Variants in ZNF280D observed in about 807,000 individuals in gnomAD.
ZNF280D encodes zinc finger protein 280D.
A neutral mutation model predicts 94.7 loss-of-function variants in ZNF280D; 39 were observed. The observed-to-expected ratio is 0.41, with a 90% CI of 0.32 to 0.54. The LOEUF (loss-of-function observed/expected upper bound fraction) is 0.54. Among genes scored for constraint, ZNF280D ranks in the 20% least tolerant of loss-of-function variants. The pLI, the probability that ZNF280D is intolerant of heterozygous loss-of-function variation, is 0.22. For synonymous variants in ZNF280D, 398 were observed against 377.6 expected (o/e 1.05, Z -0.63); for missense variants, 1,090 against 1,149.3 (o/e 0.95, Z 0.75).
chr15:56,689,823 C>G (rs1467135708), intron 7 of ZNF280D, among the ~76,000 whole-genome samples: 2 of 151,506 alleles, frequency 1.3e-5, no homozygotes, highest in Non-Finnish European at 2.9e-5. Flanking sequence ...AATGAATTAT[C>G]TTTAGATGCT....
chr15:56,633,063 T>A (rs1292891191), intron 21 of ZNF280D, among the ~76,000 whole-genome samples: 2 of 152,158 alleles, frequency 1.3e-5, no homozygotes, highest in African/African-American at 4.8e-5. Flanking sequence ...GAAACAAGAT[T>A]TCTAAGAAGA....
At chr15:56,703,883 A>G (rs2057241487) in intron 4 of ZNF280D, among the ~76,000 whole-genome samples, 1 of 151,952 alleles carries the variant, frequency 6.6e-6, no homozygotes, top group Non-Finnish European at 1.5e-5. Flanking sequence ...TAATTACTTA[A>G]CTCCATTAAA....
intron 9 of ZNF280D, among the ~76,000 whole-genome samples, chr15:56,688,431 C>T (rs1246823800): frequency 6.9e-6 from 1 of 145,662 alleles, no homozygotes; most frequent in Non-Finnish European, 1.5e-5. Flanking sequence ...GTGGAGCTTG[C>T]AGTCCCCAGA....
chr15:56,686,291 C>T (rs2056008094), intron 9 of ZNF280D, among the ~76,000 whole-genome samples: 1 of 152,116 alleles, frequency 6.6e-6, no homozygotes, highest in Non-Finnish European at 1.5e-5. Context: ...GCGTGTGTCA[C>T]CATGCCTGGC....
chr15:56,731,745 A>T (rs1434220510), intron 1 of ZNF280D, among the ~76,000 whole-genome samples: 1 of 152,200 alleles, frequency 6.6e-6, no homozygotes, highest in Non-Finnish European at 1.5e-5. Flanking sequence ...CAGAAAACAG[A>T]ATGTGAGATA....
chr15:56,703,596 G>T (rs1209122621), intron 4 of ZNF280D, among the ~76,000 whole-genome samples: 1 of 152,218 alleles, frequency 6.6e-6, no homozygotes, highest in Non-Finnish European at 1.5e-5. Flanking sequence ...ACTCACACCT[G>T]TAATTTTAGC....
intron 13 of ZNF280D, among the ~76,000 whole-genome samples, chr15:56,672,253 G>A (rs1394304867): frequency 6.6e-6 from 1 of 152,072 alleles, no homozygotes; most frequent in South Asian, 2.1e-4. Context: ...TCCTTGTCTT[G>A]TGCTGGTTTT....
chr15:56,642,808 T>A, intron 20 of ZNF280D, 144 bp downstream of exon 20: 1 of 479,298 alleles, frequency 2.1e-6, no homozygotes, highest in East Asian at 3.7e-5. Context: ...AATGAAAAAT[T>A]TTAAATCTCG....
intron 9 of ZNF280D, among the ~76,000 whole-genome samples, chr15:56,683,974 C>T (rs2055820648): frequency 6.6e-6 from 1 of 152,176 alleles, no homozygotes. Context: ...AAATACACAT[C>T]TTAAAGGTGA....
chr15:56,672,842 T>A (rs2054961128), intron 13 of ZNF280D, among the ~76,000 whole-genome samples: 1 of 151,978 alleles, frequency 6.6e-6, no homozygotes, highest in Non-Finnish European at 1.5e-5. Flanking sequence ...TAGCTGGATC[T>A]TAAGTTTTTT....
At chr15:56,660,365 C>T (rs953813745) in intron 16 of ZNF280D, among the ~76,000 whole-genome samples, 6 of 152,048 alleles carry the variant, frequency 3.9e-5, no homozygotes, top group African/African-American at 1.4e-4. Context: ...ATAGCCTCTG[C>T]ATTTGTCTAC....
chr15:56,691,054 G>A (rs2056395730), intron 7 of ZNF280D, among the ~76,000 whole-genome samples: 1 of 152,054 alleles, frequency 6.6e-6, no homozygotes, highest in Non-Finnish European at 1.5e-5. Context: ...GACCAAATAA[G>A]ATAATGTACT....
chr15:56,645,213 A>T (rs891046417), intron 19 of ZNF280D: 6 of 152,288 alleles, frequency 3.9e-5, no homozygotes, highest in Non-Finnish European at 7.4e-5. Context: ...AGAAGACAGA[A>T]ATTTGCTAAG....
At chr15:56,693,933 C>G (rs1247194592) in intron 6 of ZNF280D, among the ~76,000 whole-genome samples, 2 of 152,106 alleles carry the variant, frequency 1.3e-5, no homozygotes, top group Admixed American at 6.6e-5. Flanking sequence ...TCTGTCTTAT[C>G]AGGCAAATAT....
At chr15:56,673,201 G>A (rs1344204270) in intron 13 of ZNF280D, among the ~76,000 whole-genome samples, 2 of 151,856 alleles carry the variant, frequency 1.3e-5, no homozygotes, top group African/African-American at 4.8e-5. Flanking sequence ...ACTGCTTGAT[G>A]TCTAATACGC....
Position 56,679,033 on chromosome 15 carries a change from T to C in ZNF280D, c.1005-212A>G, listed in dbSNP as rs370341917. On this transcript the variant is annotated intron_variant, in intron 10 of 21. Coordinates refer to ENST00000267807, the MANE Select transcript of ZNF280D (RefSeq NM_017661.4). ...CTTTTTACCTTTGCTTTAAAATAAT[T>C]CATTCATGTAATTAATCTGAAAGAT... Among the ~76,000 whole-genome samples, 77 of 152,348 alleles carry C rather than the reference T, an allele frequency of 5.1e-4. No homozygotes were observed. In the Middle Eastern group the frequency reaches 0.01, roughly 20 times the overall value.
chr15:56,690,045 G>A (rs1355168066), intron 7 of ZNF280D, among the ~76,000 whole-genome samples: 1 of 152,146 alleles, frequency 6.6e-6, no homozygotes, highest in Non-Finnish European at 1.5e-5. Flanking sequence ...CGCAGAAAGT[G>A]GAAATAACTA....
At position 56,678,821 on chromosome 15, in the gene ZNF280D, C is replaced by T; in HGVS notation, c.1005G>A (p.Arg335=). 3.8e-6 allele frequency: 6 copies of T among 1,571,494 alleles called. No homozygotes were observed. The highest frequency in any genetic ancestry group is 5.2e-6 in the Non-Finnish European group (6 of 1,160,218). ...AATGGTGTTTCATGTGGTTCATAAA[C>T]CTATAAATGGTTGTCAACAGGTGCA... is the stretch of plus-strand genomic sequence containing the variant. The part of the protein sequence containing the change: ...SCLKILKNNI[R]FMNHMKHHLE... Residue 335 remains arginine (R), a splice_region_variant and synonymous_variant, in exon 11 of 22, where the codon AGG becomes AGA. Transcript: ENST00000267807.
intron 17 of ZNF280D, 45 bp downstream of exon 17, chr15:56,658,379 T>C: frequency 6.8e-7 from 1 of 1,462,370 alleles, no homozygotes; most frequent in Admixed American, 2.2e-5. Context: ...ATTTAAGTCA[T>C]TACAATTTTT....
Sources: allele counts gnomAD v4.1 joint callset (sites outside exome capture counted in the v4.1 genomes callset), GRCh38; gene constraint gnomAD v4.1.1; transcripts MANE v1.5; gene names NCBI Gene and HGNC (gene_info 2026-07-23, HGNC 2026-07-21).